CSMD1: variants seen among roughly 807,000 people sequenced by gnomAD.
CSMD1 encodes CUB and Sushi multiple domains 1.
Under a neutral mutation model 417.5 loss-of-function variants are expected in CSMD1, and 213 were observed. The ratio of observed to expected loss-of-function variants is 0.51; its 90% CI spans 0.46 to 0.57. CSMD1 has a LOEUF of 0.57. CSMD1 is among the 20% of genes least tolerant of loss of function. CSMD1 has a pLI of 0.00. For missense variants in CSMD1, 6,923 were observed against 4,529.7 expected (o/e 1.53, Z -15.17); for synonymous variants, 2,862 against 1,736.8 (o/e 1.65, Z -16.11).
At chr8:3,174,191 T>C (rs1020659736) in intron 37 of CSMD1, among the ~76,000 whole-genome samples, 5 of 152,300 alleles carry the variant, frequency 3.3e-5, no homozygotes, top group African/African-American at 9.6e-5. Flanking sequence ...TTCCCAAAAT[T>C]ATATCAGAAA....
chr8:4,569,188 T>C (rs1300744805), intron 2 of CSMD1, among the ~76,000 whole-genome samples: 3 of 152,234 alleles, frequency 2.0e-5, no homozygotes, highest in African/African-American at 7.2e-5. Context: ...TTGCCATTTC[T>C]TTTGGTGTTT....
intron 5 of CSMD1, among the ~76,000 whole-genome samples, chr8:3,917,653 T>A (rs957181248): frequency 2.2e-4 from 34 of 152,230 alleles, no homozygotes; most frequent in African/African-American, 6.5e-4. Context: ...ATGGTACGAC[T>A]AACATGCAAA....
chr8:4,166,998 G>A (rs968528821), intron 3 of CSMD1, among the ~76,000 whole-genome samples: 1 of 152,194 alleles, frequency 6.6e-6, no homozygotes, highest in African/African-American at 2.4e-5. Flanking sequence ...CCCCTGTGCT[G>A]GGTGTTTGTG....
chr8:4,034,302 G>A (rs940402525), intron 3 of CSMD1, among the ~76,000 whole-genome samples: 1 of 152,142 alleles, frequency 6.6e-6, no homozygotes. Flanking sequence ...TTATTGACAT[G>A]TTTATGAGAT....
At chr8:3,418,281 C>G (rs1178190305) in intron 12 of CSMD1, among the ~76,000 whole-genome samples, 1 of 152,060 alleles carries the variant, frequency 6.6e-6, no homozygotes, top group Non-Finnish European at 1.5e-5. Context: ...CAGAAATGAA[C>G]TGTCTCAGCA....
At chr8:4,464,640 G>A (rs1034750100) in intron 2 of CSMD1, among the ~76,000 whole-genome samples, 2 of 152,140 alleles carry the variant, frequency 1.3e-5, no homozygotes, top group African/African-American at 4.8e-5. Context: ...GTCCCAAGTT[G>A]AACCATGGTA....
At chr8:3,961,075 GAACA>G (rs1294687834) in intron 5 of CSMD1, among the ~76,000 whole-genome samples, 1 of 151,994 alleles carries the variant, frequency 6.6e-6, no homozygotes, top group Non-Finnish European at 1.5e-5. Context: ...AATTGAACAT[GAACA>G]AACTCAAAGG....
intron 27 of CSMD1, among the ~76,000 whole-genome samples, chr8:3,226,849 A>G (rs748775498): frequency 2.8e-4 from 43 of 152,180 alleles, no homozygotes; most frequent in Non-Finnish European, 1.3e-4. Context: ...GCCAGTAATG[A>G]GTAAATATAC....
At chr8:4,759,429 G>C (rs905176190) in intron 1 of CSMD1, among the ~76,000 whole-genome samples, 2 of 152,162 alleles carry the variant, frequency 1.3e-5, no homozygotes, top group African/African-American at 4.8e-5. Context: ...TAAGTTCAAG[G>C]GTACATGTGC....
intron 5 of CSMD1, among the ~76,000 whole-genome samples, chr8:3,915,666 G>A (rs1808768045): frequency 6.6e-6 from 1 of 151,180 alleles, no homozygotes; most frequent in Admixed American, 6.6e-5. Context: ...CTTCATAACT[G>A]ATATTACTAA....
chr8:2,991,058 C>A (rs1172899742), intron 54 of CSMD1, among the ~76,000 whole-genome samples: 1 of 152,154 alleles, frequency 6.6e-6, no homozygotes, highest in Non-Finnish European at 1.5e-5. Flanking sequence ...TAAACTTGGG[C>A]TCATATCTTT....
chr8:4,497,741 G>T (rs1171393166), intron 2 of CSMD1, among the ~76,000 whole-genome samples: 2 of 152,180 alleles, frequency 1.3e-5, no homozygotes, highest in Non-Finnish European at 2.9e-5. Context: ...TCAGCACAAA[G>T]CTCCCCGAAA....
At chr8:4,561,736 C>A (rs1281567359) in intron 2 of CSMD1, among the ~76,000 whole-genome samples, 1 of 152,130 alleles carries the variant, frequency 6.6e-6, no homozygotes, top group African/African-American at 2.4e-5. Context: ...AAGAGAACAT[C>A]ACTGAAAGCT....
chr8:3,349,434 G>A (rs1038689905), intron 21 of CSMD1, among the ~76,000 whole-genome samples: 2 of 151,988 alleles, frequency 1.3e-5, no homozygotes, highest in African/African-American at 4.8e-5. Flanking sequence ...ATGTGGAAGG[G>A]TGTGAGGAGA....
chr8:4,388,762 C>A (rs560513280), intron 3 of CSMD1, among the ~76,000 whole-genome samples: 5 of 152,088 alleles, frequency 3.3e-5, no homozygotes, highest in African/African-American at 1.2e-4. Flanking sequence ...TAAAATAAAA[C>A]CTGTCTTTCT....
chr8:4,331,803 A>G (rs1259916461), intron 3 of CSMD1, among the ~76,000 whole-genome samples: 2 of 152,068 alleles, frequency 1.3e-5, no homozygotes, highest in African/African-American at 4.8e-5. Context: ...GACTCACAGT[A>G]TTTTTCCTCC....
At chr8:4,874,034 A>G (rs1802892446) in intron 1 of CSMD1, among the ~76,000 whole-genome samples, 1 of 152,138 alleles carries the variant, frequency 6.6e-6, no homozygotes, top group African/African-American at 2.4e-5. Context: ...TCTATCATCT[A>G]TCTATCTGTG....
intron 10 of CSMD1, among the ~76,000 whole-genome samples, chr8:3,570,697 C>T (rs1451600701): frequency 1.3e-5 from 2 of 152,170 alleles, no homozygotes; most frequent in African/African-American, 4.8e-5. Context: ...TTTTAGTTGG[C>T]TCTTCTGTTA....
chr8:3,525,326 G>A (rs1025137227), intron 10 of CSMD1, among the ~76,000 whole-genome samples: 3 of 152,080 alleles, frequency 2.0e-5, no homozygotes, highest in Admixed American at 1.3e-4. Flanking sequence ...CCAGTGAGAA[G>A]GGCAGCATTT....
Sources: allele counts gnomAD v4.1 joint callset (sites outside exome capture counted in the v4.1 genomes callset), GRCh38; gene constraint gnomAD v4.1.1; transcripts MANE v1.5; gene names NCBI Gene and HGNC (gene_info 2026-07-23, HGNC 2026-07-21).